CD163L1: variants seen among roughly 807,000 people sequenced by gnomAD.
CD163L1 encodes the protein CD163 molecule like 1, also known as scavenger receptor cysteine-rich type 1 protein M160.
Under a neutral mutation model 165.4 loss-of-function variants are expected in CD163L1, and 124 were observed. That is an observed-to-expected ratio of 0.75 (90% confidence interval 0.65 to 0.87). CD163L1 has a LOEUF of 0.87. Ranked by LOEUF, CD163L1 falls within the 40% of genes least tolerant of loss-of-function variation. The pLI is 0.00. For missense variants in CD163L1, 1,525 were observed against 1,799.9 expected, an observed-to-expected ratio of 0.85 and a Z score of 2.76; for synonymous variants, 585 against 662.2, an observed-to-expected ratio of 0.88 and a Z score of 1.79.
chr12:7,375,573 C>G lies in CD163L1; in HGVS notation c.2709G>C (p.Val903=). The G allele has an allele frequency of 1.2e-6, 2 of 1,613,028 alleles. No individual in the cohort carries two copies. Among genetic ancestry groups the G allele is most frequent in the Non-Finnish European group, 1.7e-6 (2 of 1,180,014 alleles). Residue 903 remains valine (V), a synonymous_variant, in exon 11 of 20, where the codon GTG becomes GTC. Transcript: ENST00000313599. ...GCCCGTCACACTGGGATTTGCCATT[C>G]ACAAGTCGGACATCTGTATATCCTA... ...VCSRYTDVRL[V]NGKSQCDGQV... is the part of the protein sequence containing the mutation.
intron 13 of CD163L1, 90 bp from the exon 14 acceptor site, chr12:7,373,730 T>C (rs1312910708): frequency 9.3e-7 from 1 of 1,074,154 alleles, no homozygotes; most frequent in Non-Finnish European, 1.3e-6. Context: ...ATGGAAATAA[T>C]ACATTAGGGC....
the CD163L1 span, chr12:7,323,358 A>T: frequency 6.3e-7 from 1 of 1,595,294 alleles, no homozygotes; most frequent in Non-Finnish European, 8.6e-7. Flanking sequence ...AGGAGAGAGA[A>T]CGTTTTCCTT....
the CD163L1 span, among the ~76,000 whole-genome samples, chr12:7,331,382 C>T: frequency 2.6e-5 from 4 of 152,244 alleles, no homozygotes; most frequent in African/African-American, 9.6e-5. Flanking sequence ...AAACAAAAGG[C>T]AGCAATAACC....
the CD163L1 span, among the ~76,000 whole-genome samples, chr12:7,320,384 A>T: frequency 6.6e-6 from 1 of 152,342 alleles, no homozygotes; most frequent in East Asian, 1.9e-4. Context: ...TATTGGCAGG[A>T]GGTTACAAGA....
At chr12:7,421,996 G>A (rs1037801017) in intron 4 of CD163L1, among the ~76,000 whole-genome samples, 1 of 152,096 alleles carries the variant, frequency 6.6e-6, no homozygotes, top group South Asian at 2.1e-4. Flanking sequence ...TCCTGACTGG[G>A]AGAGAACTCC....
At chr12:7,393,631 C>G (rs367866749) in intron 8 of CD163L1, among the ~76,000 whole-genome samples, 2 of 152,160 alleles carry the variant, frequency 1.3e-5, no homozygotes, top group Admixed American at 1.3e-4. Context: ...GAAGTCAAAT[C>G]GTCCCTGTTT....
At chr12:7,421,366 T>TAC (rs1565809594) in intron 4 of CD163L1, among the ~76,000 whole-genome samples, 1 of 109,872 alleles carries the variant, frequency 9.1e-6, no homozygotes, top group East Asian at 2.6e-4. Flanking sequence ...TGTGTATATA[T>TAC]GTATATATAC....
intron 18 of CD163L1, among the ~76,000 whole-genome samples, chr12:7,363,785 AATAAG>A (rs1271500887): frequency 8.0e-5 from 2 of 25,014 alleles, no homozygotes; most frequent in African/African-American, 2.1e-4. Context: ...CCATAATAAT[AATAAG>A]AAAAAAAAAA....
At chr12:7,387,988 G>A (rs1947558016) in intron 8 of CD163L1, among the ~76,000 whole-genome samples, 1 of 152,126 alleles carries the variant, frequency 6.6e-6, no homozygotes, top group African/African-American at 2.4e-5. Context: ...ATTTGTAGCT[G>A]ACTGATTTTT....
intron 8 of CD163L1, 62 bp from the exon 9 acceptor site, chr12:7,379,360 AT>A: frequency 6.5e-7 from 1 of 1,538,852 alleles, no homozygotes; most frequent in Admixed American, 1.9e-5. Flanking sequence ...AAAGATTCTT[AT>A]CCATTCCTGT....
At position 7,389,001 on chromosome 12, in the gene CD163L1, A is replaced by G. The variant is rs142233841; in HGVS notation, c.2050+7094T>C. Among the ~76,000 whole-genome samples the G allele has an allele frequency of 5.5e-3, 832 of 152,296 alleles. 12 individuals carry two copies. The highest frequency in any genetic ancestry group is 0.019 in the African/African-American group (788 of 41,562). On this transcript the variant is annotated intron_variant, in intron 8 of 19. Coordinates refer to ENST00000313599, the MANE Select transcript of CD163L1 (RefSeq NM_174941.6). ...TGTACCACATTTTCCTTAACCATTC[A>G]TCTGTTGATGGACACTTAGATTGCT...
rs1591888654 is a variant in CD163L1 at position 7,372,706 on chromosome 12, T to G, written c.3730+614A>C. Among the ~76,000 whole-genome samples, 1 of 151,898 alleles carries G rather than the reference T, an allele frequency of 6.6e-6. No homozygotes were observed. The highest frequency in any genetic ancestry group is 1.9e-4 in the East Asian group (1 of 5,174). On this transcript the variant is annotated intron_variant, in intron 14 of 19. Coordinates refer to ENST00000313599, the MANE Select transcript of CD163L1 (RefSeq NM_174941.6). The surrounding 1 kb of genome is among the most constrained non-coding windows in gnomAD (Gnocchi z 4.2). ...ACATTTCATATACACAATCATAACT[T>G]TAAGTTTTTGTACAAAAGGAAGACT...
downstream of CD163L1, among the ~76,000 whole-genome samples, chr12:7,352,927 G>A (rs775333006): frequency 6.6e-6 from 1 of 152,084 alleles, no homozygotes; most frequent in South Asian, 2.1e-4. Context: ...AAGAAACAGG[G>A]AAGTGATCTA....
Position 7,373,631 on chromosome 12 carries a change from G to A in CD163L1, c.3419C>T (p.Ala1140Val). Residue 1140 changes from alanine (A) to valine (V), a missense_variant, in exon 14 of 20, where the codon GCC (alanine) becomes GTC (valine). Transcript: ENST00000313599. ...TTCAGTTTCACTGTAGAGCCTCAAG[G>A]CTGTGAATTCTACAGAGAAATACAA... ...DAGVICSEFT[A>V]LRLYSETETE... 1 of 1,590,084 alleles carries A rather than the reference G, an allele frequency of 6.3e-7. No individual in the cohort carries two copies. Among genetic ancestry groups the A allele is most frequent in the Non-Finnish European group, 8.6e-7 (1 of 1,165,330 alleles).
In CD163L1 at chr12:7,374,430, A is replaced by C. The variant is rs1947210479; in HGVS notation, c.3409+12T>G. ...TGTGTGTAGAGGAGGGTGAAAAGGTAGCAGCACAGACCTGAGCAGATGACC... is the reference window on the plus strand; with the variant it reads ...TGTGTGTAGAGGAGGGTGAAAAGGTCGCAGCACAGACCTGAGCAGATGACC... On this transcript the variant is annotated intron_variant, in intron 13 of 19. Coordinates refer to ENST00000313599, the MANE Select transcript of CD163L1 (RefSeq NM_174941.6). This position sits in a 1 kb window ranked among gnomAD's most constrained non-coding sequence, Gnocchi z 5.4. 4 of 1,598,604 alleles carry C rather than the reference A, an allele frequency of 2.5e-6. No individual in the cohort carries two copies. The highest frequency in any genetic ancestry group is 3.4e-6 in the Non-Finnish European group (4 of 1,171,720).
Position 7,379,249 on chromosome 12 carries a change from A to T in CD163L1, c.2100T>A (p.Ala700=), listed in dbSNP as rs1947337259. Residue 700 remains alanine (A), a synonymous_variant, in exon 9 of 20, where the codon GCT becomes GCA. Coordinates refer to ENST00000313599, the MANE Select transcript of CD163L1 (RefSeq NM_174941.6). ...LRLVGGSSRC[A]GKVEVNVQGA... ...CCTGGACATTCACCTCAACTTTTCC[A>T]GCACACCTGCTGCTTCCACCCACAA... 1 of 1,614,028 alleles carries T rather than the reference A, an allele frequency of 6.2e-7. No homozygotes were observed. Among genetic ancestry groups the T allele is most frequent in the Admixed American group, 1.7e-5 (1 of 59,988 alleles).
chr12:7,404,241 A>G (rs967132431), intron 5 of CD163L1, among the ~76,000 whole-genome samples: 4 of 152,166 alleles, frequency 2.6e-5, no homozygotes, highest in Non-Finnish European at 5.9e-5. Flanking sequence ...TAGAGTGGTT[A>G]TTTTTAACAC....
intron 4 of CD163L1, among the ~76,000 whole-genome samples, chr12:7,422,687 A>T (rs1278826173): frequency 1.3e-5 from 2 of 149,186 alleles, no homozygotes; most frequent in Non-Finnish European, 3.0e-5. Flanking sequence ...TCTCATATAT[A>T]TTCATATATA....
At chr12:7,338,230 G>A in the CD163L1 span, among the ~76,000 whole-genome samples, 1 of 152,126 alleles carries the variant, frequency 6.6e-6, no homozygotes, top group Non-Finnish European at 1.5e-5. Flanking sequence ...TGGATGATGG[G>A]TGTAGCAAAC....
Sources: allele counts gnomAD v4.1 joint callset (sites outside exome capture counted in the v4.1 genomes callset), GRCh38; gene constraint gnomAD v4.1.1; non-coding constraint Gnocchi (gnomAD v3.1); transcripts MANE v1.5; gene names NCBI Gene and HGNC (gene_info 2026-07-23, HGNC 2026-07-21).